The following NINL variants were observed in gnomAD, a reference collection of about 807,000 sequenced individuals.
The protein encoded by NINL is ninein like.
In NINL, 153 loss-of-function variants were observed where a neutral mutation model predicts 160.3. The ratio of observed to expected loss-of-function variants is 0.95; its 90% CI spans 0.84 to 1.09. The LOEUF is 1.09. Among genes scored for constraint, NINL ranks in the 50% least tolerant of loss-of-function variants. The pLI, the probability that NINL is intolerant of heterozygous loss-of-function variation, is 0.00. For missense variants in NINL, 1,829 were observed against 1,764.0 expected (o/e 1.04, Z -0.66); for synonymous variants, 800 against 734.8 (o/e 1.09, Z -1.43).
intron 1 of NINL, among the ~76,000 whole-genome samples, chr20:25,545,162 G>A (rs1169735793): frequency 1.3e-5 from 2 of 152,190 alleles, no homozygotes; most frequent in Non-Finnish European, 2.9e-5. Context: ...AAGAGGGTCA[G>A]GTAGGCAGTA....
chr20:25,489,381 C>T, intron 12 of NINL, 57 bp from the exon 13 acceptor site: 1 of 1,495,676 alleles, frequency 6.7e-7, no homozygotes, highest in African/African-American at 1.4e-5. Context: ...GGGGGACCTG[C>T]TTCTCCAGCC....
At chr20:25,531,940 C>T (rs1225636025) in intron 1 of NINL, among the ~76,000 whole-genome samples, 2 of 152,140 alleles carry the variant, frequency 1.3e-5, no homozygotes, top group African/African-American at 4.8e-5. Flanking sequence ...GGGGAAGGCA[C>T]AAAATGGGGA....
Position 25,462,548 on chromosome 20 carries a change from GA to G in NINL, c.3424-8del. 1 of 1,594,580 alleles carries G rather than the reference GA, an allele frequency of 6.3e-7. No individual in the cohort carries two copies. Among genetic ancestry groups the G allele is most frequent in the Non-Finnish European group, 8.5e-7 (1 of 1,173,498 alleles). On this transcript the variant is annotated splice_polypyrimidine_tract_variant and splice_region_variant and intron_variant, in intron 19 of 23. Coordinates refer to ENST00000278886, the MANE Select transcript of NINL (RefSeq NM_025176.6). The stretch of plus-strand genomic sequence containing the variant: ...GATCCTTGTAGTTCTGATTCTGGGG[GA>G]AAAAGTTTTTAAATACATAAGAAAA...
intron 1 of NINL, among the ~76,000 whole-genome samples, chr20:25,561,412 G>GC (rs2064935810): frequency 6.6e-6 from 1 of 152,164 alleles, no homozygotes; most frequent in South Asian, 2.1e-4. Context: ...GTCTGCCTTG[G>GC]CCCCCCAAAG....
chr20:25,536,708 G>A (rs1007698825), intron 1 of NINL, among the ~76,000 whole-genome samples: 17 of 149,854 alleles, frequency 1.1e-4, no homozygotes, highest in Admixed American at 6.6e-4. Flanking sequence ...GATAGAGTAA[G>A]ACTGTCTCCA....
intron 2 of NINL, among the ~76,000 whole-genome samples, chr20:25,519,986 T>G (rs773723579): frequency 2.6e-3 from 126 of 48,404 alleles, no homozygotes; most frequent in Admixed American, 6.2e-3. Context: ...TGAGACCCCG[T>G]CTCAAAAAAA....
intron 1 of NINL, among the ~76,000 whole-genome samples, chr20:25,567,887 A>G (rs1269628550): frequency 2.0e-5 from 3 of 152,046 alleles, no homozygotes; most frequent in Admixed American, 2.0e-4. Context: ...ATTAAACTGA[A>G]TGAAATGAAA....
At chr20:25,500,164 G>GGGCCCCTGCACACCTC (rs1383773590) in intron 8 of NINL, among the ~76,000 whole-genome samples, 5 of 152,126 alleles carry the variant, frequency 3.3e-5, no homozygotes, top group Non-Finnish European at 7.4e-5. Context: ...CATCCATGCT[G>GGGCCCCTGCACACCTC]GGCCCCTGCA....
In NINL at chr20:25,526,532, C is replaced by T. The variant is rs2064363681; in HGVS notation, c.56G>A (p.Cys19Tyr). The T allele has an allele frequency of 6.2e-7, 1 of 1,614,234 alleles. No homozygotes were observed. Among genetic ancestry groups the T allele is most frequent in the East Asian group, 2.2e-5 (1 of 44,886 alleles). Residue 19 changes from cysteine (C) to tyrosine (Y), a missense_variant, in exon 2 of 24, where the codon TGC becomes TAC. Physicochemically the swap from Cys to Tyr is radical, Grantham distance 194. Coordinates refer to ENST00000278886, the MANE Select transcript of NINL (RefSeq NM_025176.6). ...CAGAAAGCCAGTCCCCGTGGTGTCG[C>T]AGCTGCTGTAGACTTCCCTGAGCTG... ...VSQLREVYSS[C>Y]DTTGTGFLDR...
At chr20:25,557,633 A>G (rs896254104) in intron 1 of NINL, among the ~76,000 whole-genome samples, 26 of 152,208 alleles carry the variant, frequency 1.7e-4, no homozygotes, top group African/African-American at 6.0e-4. Flanking sequence ...ATAAATGTAT[A>G]AGCATCTAAC....
chr20:25,556,493 T>C (rs1214058302), intron 1 of NINL, among the ~76,000 whole-genome samples: 4 of 151,830 alleles, frequency 2.6e-5, no homozygotes, highest in African/African-American at 9.7e-5. Flanking sequence ...GGCATGGTCA[T>C]GTGCAACTGT....
At chr20:25,518,926 C>T (rs1294910764) in intron 2 of NINL, among the ~76,000 whole-genome samples, 2 of 151,952 alleles carry the variant, frequency 1.3e-5, no homozygotes, top group Admixed American at 6.6e-5. Flanking sequence ...GGTGAAACCC[C>T]ATCTCTGCTA....
intron 9 of NINL, among the ~76,000 whole-genome samples, chr20:25,497,335 A>G (rs1486759733): frequency 6.6e-6 from 1 of 152,164 alleles, no homozygotes; most frequent in Non-Finnish European, 1.5e-5. Flanking sequence ...TGTGTAAATC[A>G]TTGGTGGCAC....
At chr20:25,507,691 C>T (rs981298452) in intron 5 of NINL, among the ~76,000 whole-genome samples, 1 of 152,186 alleles carries the variant, frequency 6.6e-6, no homozygotes, top group African/African-American at 2.4e-5. Flanking sequence ...AAGCCACCAT[C>T]CCCCAAAGGA....
At chr20:25,488,886 G>C (rs2063559261) in intron 13 of NINL, 1 of 239,900 alleles carries the variant, frequency 4.2e-6, no homozygotes, top group Admixed American at 4.8e-5. Context: ...CATTAAGCGT[G>C]TACGGGGGTC....
rs16987764 is a variant in NINL, at chr20:25,453,378, C to T, written c.*73G>A. The T allele has an allele frequency of 0.053, 72,546 of 1,360,446 alleles. 3,719 individuals carry two copies. Among genetic ancestry groups the T allele is most frequent in the Admixed American group, 0.21 (9,727 of 47,444 alleles). The allele number at this position is 1,360,446 out of a possible 1,614,324, so 84.3% of individuals were successfully genotyped here. On this transcript the variant is annotated 3_prime_UTR_variant, in exon 24 of 24. Coordinates refer to ENST00000278886, the MANE Select transcript of NINL (RefSeq NM_025176.6). ...CCCAGGACTCATGGCTCATGACCCA[C>T]GGAATCTAAGGCAGCACAGTGGCTT...
Position 25,461,626 on chromosome 20 carries a change from T to C in NINL, c.3592A>G (p.Ile1198Val). 1.2e-6 allele frequency: 2 copies of C among 1,610,244 alleles called. No individual in the cohort carries two copies. The highest frequency in any genetic ancestry group is 1.7e-6 in the Non-Finnish European group (2 of 1,176,988). The part of the protein sequence containing the change: ...VRSGQQQSDQ[I>V]QKLRVELECL... Reference sequence around the variant, plus strand: ...TCAAGTTCAACTCTAAGTTTTTGGATTTGGTCACTCTGTTTTTAAAAAATC... The same window carrying C: ...TCAAGTTCAACTCTAAGTTTTTGGACTTGGTCACTCTGTTTTTAAAAAATC... Residue 1198 changes from isoleucine to valine, a missense_variant, in exon 21 of 24, where the codon ATC (isoleucine) becomes GTC (valine). Coordinates refer to ENST00000278886, the MANE Select transcript of NINL (RefSeq NM_025176.6).
intron 2 of NINL, among the ~76,000 whole-genome samples, chr20:25,525,432 G>A (rs183061202): frequency 2.8e-4 from 43 of 152,250 alleles, no homozygotes; most frequent in African/African-American, 1.0e-3. Context: ...CACGTGGATT[G>A]CTAGAGCTCA....
intron 16 of NINL, among the ~76,000 whole-genome samples, chr20:25,478,237 C>T (rs1031182306): frequency 1.3e-5 from 2 of 152,154 alleles, no homozygotes; most frequent in African/African-American, 4.8e-5. Flanking sequence ...TGTGAGCCAC[C>T]GCATCCGGCC....
Sources: allele counts gnomAD v4.1 joint callset (sites outside exome capture counted in the v4.1 genomes callset), GRCh38; gene constraint gnomAD v4.1.1; transcripts MANE v1.5; gene names NCBI Gene and HGNC (gene_info 2026-07-23, HGNC 2026-07-21).